Variants in SERPINA7 observed in about 807,000 individuals in gnomAD.
SERPINA7 encodes the protein serpin family A member 7, also known as thyroxine-binding globulin.
SERPINA7 carries 14 observed loss-of-function variants against 16.0 expected under a neutral mutation model. The ratio of observed to expected loss-of-function variants is 0.88; its 90% CI spans 0.58 to 1.37. The LOEUF (loss-of-function observed/expected upper bound fraction) is 1.37, where lower values mean the gene tolerates loss of function less well. Ranked by LOEUF, SERPINA7 falls within the 40% of genes most tolerant of loss-of-function variation. The pLI, the probability that SERPINA7 is intolerant of heterozygous loss-of-function variation, is 0.00. For missense variants in SERPINA7, 335 were observed against 296.6 expected, an observed-to-expected ratio of 1.13 and a Z score of -0.95; for synonymous variants, 140 against 111.0, an observed-to-expected ratio of 1.26 and a Z score of -1.65.
Position 106,035,308 on chromosome X carries a change from G to T in SERPINA7, c.700C>A (p.Gln234Lys), listed in dbSNP as rs895405073. 1.2e-5 allele frequency: 15 copies of T among 1,208,752 alleles called. 1 individual carries two copies. The highest frequency in any genetic ancestry group is 2.3e-4 in the Middle Eastern group (1 of 4,340). The change falls in exon 3 of 5, where the codon CAA becomes AAA. Residue 234 changes from glutamine to lysine, a missense_variant. Gln to Lys is a moderately conservative substitution (Grantham distance 53, BLOSUM62 1). Transcript: ENST00000372563. ...TCCATCTGGTGCATCATGGGCACTT[G>T]AACAGTGGTGGTCTTGTCTATTAAG... The part of the protein sequence containing the change: ...SFLIDKTTTV[Q>K]VPMMHQMEQY...
chrX:106,037,038 C>T lies in SERPINA7; in HGVS notation c.21G>A (p.Leu7=). 1 of 1,209,577 alleles carries T rather than the reference C, an allele frequency of 8.3e-7. No individual in the cohort carries two copies. Among genetic ancestry groups the T allele is most frequent in the Non-Finnish European group, 1.1e-6 (1 of 894,076 alleles). ...CATGAAGCCCAAGTACCAAGAGAACCAGATACAGGAATGGTGACATTTTGG... is the reference window on the plus strand; with the variant it reads ...CATGAAGCCCAAGTACCAAGAGAACTAGATACAGGAATGGTGACATTTTGG... The part of the protein sequence containing the change: MSPFLY[L]VLLVLGLHAT... The change falls in exon 2 of 5, where the codon CTG becomes CTA. Residue 7 remains leucine, a synonymous_variant. Transcript: ENST00000372563.
Position 106,034,308 on chromosome X carries a change from C to T in SERPINA7, c.971G>A (p.Gly324Asp). 1.7e-6 allele frequency: 2 copies of T among 1,204,822 alleles called. No individual in the cohort carries two copies. Among genetic ancestry groups the T allele is most frequent in the South Asian group, 1.8e-5 (1 of 56,839 alleles). Residue 324 changes from glycine (G) to aspartate (D), a missense_variant, in exon 4 of 5, where the codon GGC becomes GAC. Coordinates refer to ENST00000372563, the MANE Select transcript of SERPINA7 (RefSeq NM_000354.6). Reference protein sequence around the residue: ...YDLGATLLKMGIQHAYSENAD... With the variant: ...YDLGATLLKMDIQHAYSENAD... ...ATTTTCAGAATAGGCATGCTGAATG[C>T]CCATCTTCAAAAGTGTGGCTCCAAG...
intron 3 of SERPINA7, 91 bp downstream of exon 3, chrX:106,035,021 G>T: frequency 1.0e-5 from 11 of 1,051,304 alleles, no homozygotes; most frequent in Non-Finnish European, 1.3e-5. Context: ...GTAGTTCAGG[G>T]TGATTCTTCT....
At chrX:106,034,497 T>C in intron 3 of SERPINA7, 115 bp from the exon 4 acceptor site, 1 of 654,620 alleles carries the variant, frequency 1.5e-6, no homozygotes, top group Non-Finnish European at 2.5e-6. Flanking sequence ...TGAGTATTGA[T>C]AACCATTACT....
In SERPINA7 at chrX:106,036,915, G is replaced by T. The variant is rs72554661; in HGVS notation, c.144C>A (p.Asp48Glu). 1 of 1,211,292 alleles carries T rather than the reference G, an allele frequency of 8.3e-7. No individual in the cohort carries two copies. Among genetic ancestry groups the T allele is most frequent in the East Asian group, 3.0e-5 (1 of 33,804 alleles). Residue 48 changes from aspartate to glutamate, a missense_variant, in exon 2 of 5, where the codon GAC (aspartate) becomes GAA (glutamate). By Grantham distance (45) the Asp-to-Glu change is conservative. Transcript: ENST00000372563. ...ACCTCCGGTACAGATTGAATGCAAA[G>T]TCAGCATTAATGGATGACATCTTGT... is the stretch of plus-strand genomic sequence containing the variant. ...TLYKMSSINA[D>E]FAFNLYRRFT...
At chrX:106,033,893 T>C in intron 4 of SERPINA7, 190 bp from the exon 5 acceptor site, 1 of 838,397 alleles carries the variant, frequency 1.2e-6, no homozygotes, top group East Asian at 3.4e-5. Flanking sequence ...GGCTAGCCAT[T>C]GGGAAACACC....
chrX:106,034,757 A>G (rs900779545), intron 3 of SERPINA7, among the ~76,000 whole-genome samples: 1 of 111,930 alleles, frequency 8.9e-6, no homozygotes, highest in Non-Finnish European at 1.9e-5. Flanking sequence ...ATCACCTTTC[A>G]ACATCAAAAT....
Position 106,036,889 on chromosome X carries a change from A to C in SERPINA7, c.170T>G (p.Phe57Cys). 1 of 1,211,136 alleles carries C rather than the reference A, an allele frequency of 8.3e-7. No individual in the cohort carries two copies. The highest frequency in any genetic ancestry group is 1.1e-6 in the Non-Finnish European group (1 of 895,117). ...GTTCTTATCTGGGGTCTCCACAGTG[A>C]ACCTCCGGTACAGATTGAATGCAAA... ...ADFAFNLYRR[F>C]TVETPDKNIF... The change falls in exon 2 of 5, where the codon TTC (phenylalanine) becomes TGC (cysteine). Residue 57 changes from phenylalanine (F) to cysteine (C), a missense_variant. By Grantham distance (205) the Phe-to-Cys change is radical. Transcript: ENST00000372563.
chrX:106,033,437 A>T lies in SERPINA7; in HGVS notation c.*63T>A. 2 of 1,116,939 alleles carry T rather than the reference A, an allele frequency of 1.8e-6. No individual in the cohort carries two copies. Among genetic ancestry groups the T allele is most frequent in the Non-Finnish European group, 1.2e-6 (1 of 810,015 alleles). 92.0% of individuals were successfully genotyped at this position (1,116,939 alleles called of 1,213,427 possible). The stretch of plus-strand genomic sequence containing the variant: ...AAGCTCACATCAATCACACCAGGCT[A>T]TATTATTTATTTATTTCCCATTGCA... On this transcript the variant is annotated 3_prime_UTR_variant, in exon 5 of 5. Transcript: ENST00000372563.
At chrX:106,037,416 G>C (rs1488902633) in intron 1 of SERPINA7, 3 of 209,004 alleles carry the variant, frequency 1.4e-5, no homozygotes, top group Admixed American at 6.8e-5. Context: ...CTTTTGGAGA[G>C]AGGGGATATT....
In SERPINA7 at chrX:106,033,504, G is replaced by A. The variant is rs199754692; in HGVS notation, c.1244C>T (p.Ala415Val). The change falls in exon 5 of 5, where the codon GCG becomes GTG. Residue 415 changes from alanine (A) to valine (V), a missense_variant. Ala to Val is a moderately conservative substitution (Grantham distance 64, BLOSUM62 0). Transcript: ENST00000372563. ...FLGKVVNPTE[A>V] ...AGCCAATGGCCTTTTTCCCAACTAC[G>A]CTTCCGTTGGGTTCACAACTTTCCC... The A allele has an allele frequency of 9.5e-5, 115 of 1,208,700 alleles. 1 individual carries two copies. Among genetic ancestry groups the A allele is most frequent in the Admixed American group, 4.4e-5 (2 of 45,686 alleles).
chrX:106,038,285 T>G (rs1457203210), intron 1 of SERPINA7, among the ~76,000 whole-genome samples: 1 of 111,726 alleles, frequency 9.0e-6, no homozygotes, highest in African/African-American at 3.3e-5. Flanking sequence ...GGAATAATCA[T>G]AGCCTCCTTT....
chrX:106,033,730 G>A (rs182213788), intron 4 of SERPINA7, 27 bp from the exon 5 acceptor site: 27 of 1,209,113 alleles, frequency 2.2e-5, no homozygotes, highest in Non-Finnish European at 2.7e-5. Context: ...AATCCTGCGG[G>A]TCTCTGAAGA....
At position 106,033,652 on chromosome X, in the gene SERPINA7, C is replaced by T; in HGVS notation, c.1096G>A (p.Ala366Thr). The change falls in exon 5 of 5, where the codon GCT (alanine) becomes ACT (threonine). Residue 366 changes from alanine (A) to threonine (T), a missense_variant. By Grantham distance (58) the Ala-to-Thr change is moderately conservative. Coordinates refer to ENST00000372563, the MANE Select transcript of SERPINA7 (RefSeq NM_000354.6). Reference sequence around the variant, plus strand: ...TCCGAAAGTTCAACTTCAGGGACAGCTGCAGCTTCAGTTCCCTTTTCACCA... The same window carrying T: ...TCCGAAAGTTCAACTTCAGGGACAGTTGCAGCTTCAGTTCCCTTTTCACCA... ...HIGEKGTEAAAVPEVELSDQP... is the reference protein window; with the variant it reads ...HIGEKGTEAATVPEVELSDQP... The T allele has an allele frequency of 8.3e-7, 1 of 1,211,485 alleles. No homozygotes were observed. Among genetic ancestry groups the T allele is most frequent in the Non-Finnish European group, 1.1e-6 (1 of 895,325 alleles).
intron 3 of SERPINA7, 126 bp from the exon 4 acceptor site, chrX:106,034,508 A>C (rs1255614676): frequency 1.7e-6 from 1 of 604,194 alleles, no homozygotes; most frequent in African/African-American, 2.2e-5. Context: ...AACCATTACT[A>C]TGTAAGTCAA....
At position 106,033,029 on chromosome X, in the gene SERPINA7, C is replaced by A. The variant is rs139421586; in HGVS notation, c.*471G>T. On this transcript the variant is annotated 3_prime_UTR_variant, in exon 5 of 5. Transcript: ENST00000372563. ...TTTATTCAACCTACCAGTGTCAGAT[C>A]TGGCAAGAACTCAGAGAATCCTACT... is the stretch of plus-strand genomic sequence containing the variant. The A allele has an allele frequency of 4.4e-3, 658 of 150,674 alleles. 2 individuals are homozygous for A. The highest frequency in any genetic ancestry group is 7.2e-3 in the Non-Finnish European group (562 of 78,310). The allele number at this position is 150,674 out of a possible 1,213,427, so 12.4% of individuals were successfully genotyped here.
intron 1 of SERPINA7, among the ~76,000 whole-genome samples, 194 bp downstream of exon 1, chrX:106,038,504 A>G (rs2147844186): frequency 9.0e-6 from 1 of 110,741 alleles, no homozygotes; most frequent in South Asian, 3.9e-4. Flanking sequence ...CAATCTCCAT[A>G]TCATCATCAG....
chrX:106,036,201 C>T (rs2041447862), intron 2 of SERPINA7, among the ~76,000 whole-genome samples: 1 of 111,727 alleles, frequency 9.0e-6, no homozygotes, highest in African/African-American at 3.2e-5. Flanking sequence ...ATGTTCATAC[C>T]ATTGTCACCC....
intron 1 of SERPINA7, 186 bp from the exon 2 acceptor site, chrX:106,037,261 A>G (rs2041459243): frequency 4.6e-6 from 2 of 430,571 alleles, no homozygotes; most frequent in Admixed American, 7.7e-5. Flanking sequence ...TCTAATATGG[A>G]CAGGGAGTAG....
Sources: allele counts gnomAD v4.1 joint callset (sites outside exome capture counted in the v4.1 genomes callset), GRCh38; gene constraint gnomAD v4.1.1; transcripts MANE v1.5; gene names NCBI Gene and HGNC (gene_info 2026-07-23, HGNC 2026-07-21).